KSR2: variants seen among roughly 807,000 people sequenced by gnomAD.
KSR2 encodes the protein kinase suppressor of ras 2.
In KSR2, 25 loss-of-function variants were observed where a neutral mutation model predicts 107.8. The observed-to-expected ratio is 0.23, with a 90% confidence interval of 0.17 to 0.32. The LOEUF is 0.32. Among genes scored for constraint, KSR2 ranks in the 10% least tolerant of loss-of-function variants. The probability of loss-of-function intolerance (pLI) is 1.00; values close to 1 mark genes in which losing one functional copy is unlikely to be tolerated. For synonymous variants in KSR2, 480 were observed against 507.0 expected (o/e 0.95, Z 0.71); for missense variants, 887 against 1,268.9 (o/e 0.70, Z 4.57).
intron 4 of KSR2, among the ~76,000 whole-genome samples, chr12:117,757,908 A>G (rs1461427563): frequency 6.6e-6 from 1 of 152,186 alleles, no homozygotes; most frequent in East Asian, 1.9e-4. Flanking sequence ...CAAACTCACA[A>G]TATCTCTGAA....
intron 5 of KSR2, among the ~76,000 whole-genome samples, chr12:117,660,167 T>C: frequency 6.6e-6 from 1 of 152,214 alleles, no homozygotes; most frequent in East Asian, 1.9e-4. Flanking sequence ...TTGGCCCTGG[T>C]ACTGCCTTTC....
intron 7 of KSR2, among the ~76,000 whole-genome samples, chr12:117,574,409 T>C (rs112253101): frequency 0.021 from 3,257 of 152,172 alleles, 118 homozygotes; most frequent in African/African-American, 0.074. Context: ...GGGTAATTTA[T>C]AAAGAAAAAG....
intron 3 of KSR2, among the ~76,000 whole-genome samples, chr12:117,850,944 A>C (rs1452321637): frequency 6.6e-6 from 1 of 152,242 alleles, no homozygotes; most frequent in Non-Finnish European, 1.5e-5. Context: ...AAAGAGAGGC[A>C]TTCATTTAAA....
chr12:117,946,194 C>A (rs1329478141), intron 1 of KSR2, among the ~76,000 whole-genome samples: 2 of 151,284 alleles, frequency 1.3e-5, no homozygotes, highest in African/African-American at 4.9e-5. Flanking sequence ...AAGAAAAGGG[C>A]AAAATAAACC....
At chr12:117,523,781 T>C (rs1874925797) in intron 14 of KSR2, among the ~76,000 whole-genome samples, 1 of 152,214 alleles carries the variant, frequency 6.6e-6, no homozygotes, top group Non-Finnish European at 1.5e-5. Flanking sequence ...AAGACCAGCC[T>C]GACCAAAATG....
chr12:117,949,493 A>C (rs769345075), intron 1 of KSR2, among the ~76,000 whole-genome samples: 1 of 152,248 alleles, frequency 6.6e-6, no homozygotes, highest in Non-Finnish European at 1.5e-5. Context: ...AGAATAGATC[A>C]GTGGTTGCCA....
At chr12:117,725,483 T>A (rs931297246) in intron 4 of KSR2, among the ~76,000 whole-genome samples, 1 of 152,226 alleles carries the variant, frequency 6.6e-6, no homozygotes, top group Non-Finnish European at 1.5e-5. Flanking sequence ...GATATTCTTA[T>A]GGAAAATAAG....
intron 14 of KSR2, among the ~76,000 whole-genome samples, chr12:117,519,833 G>C (rs1451943801): frequency 6.6e-6 from 1 of 151,440 alleles, no homozygotes; most frequent in African/African-American, 2.4e-5. Context: ...GGTGCCACAG[G>C]AATTTACAGG....
chr12:117,803,684 C>A (rs999704287), intron 3 of KSR2, among the ~76,000 whole-genome samples: 1 of 152,038 alleles, frequency 6.6e-6, no homozygotes, highest in African/African-American at 2.4e-5. Context: ...GCCTGGGCAA[C>A]AGAGTGAAAC....
chr12:117,764,820 G>T (rs1889168536), intron 3 of KSR2, among the ~76,000 whole-genome samples: 1 of 152,058 alleles, frequency 6.6e-6, no homozygotes, highest in Admixed American at 6.6e-5. Flanking sequence ...CCTGTGCAAT[G>T]GGACAATAAG....
intron 1 of KSR2, among the ~76,000 whole-genome samples, chr12:117,871,517 G>A (rs1893650850): frequency 6.6e-6 from 1 of 151,990 alleles, no homozygotes; most frequent in African/African-American, 2.4e-5. Context: ...GAACTCAGGA[G>A]GCGGAGGTTG....
At chr12:117,713,139 T>C (rs766407626) in intron 4 of KSR2, among the ~76,000 whole-genome samples, 6 of 150,674 alleles carry the variant, frequency 4.0e-5, no homozygotes, top group African/African-American at 9.7e-5. Context: ...TCTAGATAGA[T>C]AGATAAAAGA....
At chr12:117,850,762 T>C (rs7980262) in intron 3 of KSR2, among the ~76,000 whole-genome samples, 29,307 of 150,840 alleles carry the variant, frequency 0.19, 3,015 homozygotes, top group East Asian at 0.29. Context: ...TGAGCCAAGA[T>C]TGCGCCACTA....
At chr12:117,841,900 C>T (rs1055552975) in intron 3 of KSR2, among the ~76,000 whole-genome samples, 9 of 152,276 alleles carry the variant, frequency 5.9e-5, no homozygotes, top group Non-Finnish European at 8.8e-5. Context: ...TGCTGCGTGA[C>T]TTGGCCCAGT....
At chr12:117,499,877 C>T (rs554512363) in intron 14 of KSR2, among the ~76,000 whole-genome samples, 1 of 152,298 alleles carries the variant, frequency 6.6e-6, no homozygotes, top group East Asian at 1.9e-4. Flanking sequence ...ATGGGCCCCA[C>T]AGCCCAAAAG....
chr12:117,475,410 T>C (rs1363350671), intron 17 of KSR2, among the ~76,000 whole-genome samples: 1 of 152,204 alleles, frequency 6.6e-6, no homozygotes, highest in Non-Finnish European at 1.5e-5. Context: ...TTATTCCATG[T>C]GGGCAATGTG....
intron 4 of KSR2, among the ~76,000 whole-genome samples, chr12:117,706,210 A>G (rs1319713677): frequency 6.6e-6 from 1 of 151,732 alleles, no homozygotes; most frequent in African/African-American, 2.4e-5. Flanking sequence ...CACCCAGATA[A>G]TTTTTGTATT....
intron 4 of KSR2, among the ~76,000 whole-genome samples, chr12:117,750,548 G>A (rs904648353): frequency 2.6e-5 from 4 of 152,058 alleles, no homozygotes; most frequent in Admixed American, 2.0e-4. Flanking sequence ...GTGCAGGTTT[G>A]TCACATGGGT....
intron 1 of KSR2, among the ~76,000 whole-genome samples, chr12:117,861,997 G>T (rs1022656736): frequency 1.3e-5 from 2 of 151,684 alleles, no homozygotes; most frequent in African/African-American, 2.4e-5. Flanking sequence ...CTTGGGTCAA[G>T]TATTTCTTTA....
Sources: gnomAD v4.1 joint callset for allele counts (sites outside exome capture counted in the v4.1 genomes callset) on GRCh38, gnomAD v4.1.1 for gene constraint, MANE v1.5 for transcripts, NCBI Gene and HGNC (gene_info 2026-07-23, HGNC 2026-07-21) for gene names.